GRIK4: variants seen among roughly 807,000 people sequenced by gnomAD.
The protein encoded by GRIK4 is glutamate ionotropic receptor kainate type subunit 4, also known as glutamate receptor ionotropic, kainate 4.
Under a neutral mutation model 104.9 loss-of-function variants are expected in GRIK4, and 40 were observed. The observed-to-expected ratio is 0.38, with a 90% CI of 0.30 to 0.50. The LOEUF is 0.50. GRIK4 is among the 20% of genes least tolerant of loss of function. The pLI is 0.93. For missense variants in GRIK4, 1,047 were observed against 1,308.1 expected (o/e 0.80, Z 3.08); for synonymous variants, 485 against 524.9 (o/e 0.92, Z 1.04).
chr11:120,909,565 A>G (rs2134523169), intron 13 of GRIK4, among the ~76,000 whole-genome samples: 1 of 152,294 alleles, frequency 6.6e-6, no homozygotes, highest in South Asian at 2.1e-4. Flanking sequence ...GAATGTGTAC[A>G]AGGATGAGGT....
chr11:120,932,732 A>G (rs1943508174), intron 13 of GRIK4, among the ~76,000 whole-genome samples: 2 of 152,312 alleles, frequency 1.3e-5, no homozygotes, highest in African/African-American at 2.4e-5. Context: ...GTTAAATGAC[A>G]TTGAAGAATG....
chr11:120,973,455 A>G (rs1944508628), intron 19 of GRIK4, among the ~76,000 whole-genome samples: 1 of 152,242 alleles, frequency 6.6e-6, no homozygotes, highest in Admixed American at 6.5e-5. Flanking sequence ...CCAGGTCCCA[A>G]ATGCATCCGA....
chr11:120,737,274 G>A (rs1951242464), intron 3 of GRIK4, among the ~76,000 whole-genome samples: 1 of 152,184 alleles, frequency 6.6e-6, no homozygotes, highest in Non-Finnish European at 1.5e-5. Flanking sequence ...CAGCATCTCT[G>A]CATAAAATTA....
At chr11:120,605,511 G>A (rs1198865887) in intron 1 of GRIK4, among the ~76,000 whole-genome samples, 1 of 152,230 alleles carries the variant, frequency 6.6e-6, no homozygotes, top group Admixed American at 6.5e-5. Flanking sequence ...CAAGTTCCCA[G>A]CTTAGCGTCT....
At chr11:120,944,165 T>C (rs914608517) in intron 14 of GRIK4, among the ~76,000 whole-genome samples, 1 of 150,936 alleles carries the variant, frequency 6.6e-6, no homozygotes, top group Admixed American at 6.6e-5. Context: ...TCTCTCTCTC[T>C]CCTCCCCCCC....
At chr11:120,643,645 G>A (rs991608328) in intron 1 of GRIK4, among the ~76,000 whole-genome samples, 2 of 152,192 alleles carry the variant, frequency 1.3e-5, no homozygotes, top group Non-Finnish European at 2.9e-5. Context: ...TTGGCTCATC[G>A]CTCATTAGCT....
At chr11:120,779,187 A>T (rs933157755) in intron 3 of GRIK4, among the ~76,000 whole-genome samples, 13 of 152,212 alleles carry the variant, frequency 8.5e-5, no homozygotes, top group African/African-American at 3.1e-4. Context: ...TGTGACAGAC[A>T]GGGGACCGAC....
chr11:120,577,733 C>G (rs1412474713), intron 1 of GRIK4, among the ~76,000 whole-genome samples: 3 of 152,168 alleles, frequency 2.0e-5, no homozygotes, highest in Non-Finnish European at 4.4e-5. Flanking sequence ...CCAATTATAC[C>G]ACTGGGCAGC....
chr11:120,971,444 T>A (rs1481347704), intron 19 of GRIK4, among the ~76,000 whole-genome samples: 1 of 152,232 alleles, frequency 6.6e-6, no homozygotes, highest in Admixed American at 6.5e-5. Flanking sequence ...GAAAGCCTTA[T>A]CTTATGATTG....
At chr11:120,628,976 A>G (rs939775077) in intron 1 of GRIK4, among the ~76,000 whole-genome samples, 4 of 152,246 alleles carry the variant, frequency 2.6e-5, no homozygotes, top group Admixed American at 2.6e-4. Flanking sequence ...CCTCCTAGGA[A>G]CTCGCAGTCT....
chr11:120,774,670 C>A (rs1005144863), intron 3 of GRIK4, among the ~76,000 whole-genome samples: 6 of 152,186 alleles, frequency 3.9e-5, no homozygotes, highest in African/African-American at 1.4e-4. Context: ...GCCAAACATT[C>A]AGGCACTGTA....
chr11:120,625,593 C>T (rs1270439635), intron 1 of GRIK4, among the ~76,000 whole-genome samples: 3 of 151,752 alleles, frequency 2.0e-5, no homozygotes, highest in Non-Finnish European at 2.9e-5. Flanking sequence ...TCTGTCTCTC[C>T]TTTCAGTGGG....
chr11:120,836,389 C>T (rs1953575626), intron 7 of GRIK4, among the ~76,000 whole-genome samples: 1 of 152,160 alleles, frequency 6.6e-6, no homozygotes, highest in Non-Finnish European at 1.5e-5. Context: ...ACATACTAAA[C>T]AGTGGGTTAG....
intron 11 of GRIK4, among the ~76,000 whole-genome samples, chr11:120,879,252 C>A (rs1954898695): frequency 6.6e-6 from 1 of 152,232 alleles, no homozygotes; most frequent in Non-Finnish European, 1.5e-5. Context: ...ACCCCTTCAG[C>A]CAGGTCTGTT....
intron 1 of GRIK4, among the ~76,000 whole-genome samples, chr11:120,606,061 T>G (rs1948956873): frequency 6.6e-6 from 1 of 152,150 alleles, no homozygotes; most frequent in Non-Finnish European, 1.5e-5. Flanking sequence ...CTTGAAAAAG[T>G]TCATCTGCTT....
At chr11:120,756,333 G>C (rs78361660) in intron 3 of GRIK4, among the ~76,000 whole-genome samples, 1 of 152,138 alleles carries the variant, frequency 6.6e-6, no homozygotes, top group Non-Finnish European at 1.5e-5. Flanking sequence ...GATCCCAGGG[G>C]CTCTGTGCCC....
intron 3 of GRIK4, among the ~76,000 whole-genome samples, chr11:120,716,786 T>C (rs907344642): frequency 1.1e-4 from 16 of 152,124 alleles, no homozygotes; most frequent in Non-Finnish European, 1.6e-4. Flanking sequence ...CCCTGAAGTT[T>C]CCAGGAGAGA....
At chr11:120,654,610 G>A (rs1414571367) in intron 2 of GRIK4, among the ~76,000 whole-genome samples, 1 of 152,096 alleles carries the variant, frequency 6.6e-6, no homozygotes, top group African/African-American at 2.4e-5. Flanking sequence ...TGATCTGCCC[G>A]CCTTGGCCTC....
At chr11:120,918,293 A>G (rs1297066647) in intron 13 of GRIK4, among the ~76,000 whole-genome samples, 1 of 152,130 alleles carries the variant, frequency 6.6e-6, no homozygotes, top group Non-Finnish European at 1.5e-5. Flanking sequence ...AGGAGTAAGA[A>G]TCCTATTCCT....
Sources: gnomAD v4.1 joint callset for allele counts (sites outside exome capture counted in the v4.1 genomes callset) on GRCh38, gnomAD v4.1.1 for gene constraint, MANE v1.5 for transcripts, NCBI Gene and HGNC (gene_info 2026-07-23, HGNC 2026-07-21) for gene names.